MEIKIN: variants seen among roughly 807,000 people sequenced by gnomAD.
MEIKIN encodes meiosis-specific kinetochore protein.
At chr5:131,820,962 G>A (rs987876631) in intron 11 of MEIKIN, among the ~76,000 whole-genome samples, 1 of 151,858 alleles carries the variant, frequency 6.6e-6, no homozygotes, top group African/African-American at 2.4e-5. Context: ...CCAACTTTTT[G>A]TTTTGTTGAT....
chr5:131,830,113 G>C (rs1749687853), intron 11 of MEIKIN, among the ~76,000 whole-genome samples: 1 of 152,166 alleles, frequency 6.6e-6, no homozygotes, highest in Non-Finnish European at 1.5e-5. Context: ...TATGAGACTG[G>C]GCACAGTGAC....
chr5:131,907,033 G>A (rs184369550), intron 8 of MEIKIN, among the ~76,000 whole-genome samples: 132 of 152,108 alleles, frequency 8.7e-4, no homozygotes, highest in African/African-American at 3.1e-3. Context: ...AAAAAATAAC[G>A]AGGAATTTTG....
intron 11 of MEIKIN, among the ~76,000 whole-genome samples, chr5:131,820,294 G>A (rs181689630): frequency 2.0e-5 from 3 of 150,848 alleles, no homozygotes; most frequent in East Asian, 3.9e-4. Flanking sequence ...GACTGGTCTC[G>A]AACTCCTGAC....
intron 5 of MEIKIN, among the ~76,000 whole-genome samples, chr5:131,931,961 G>T: frequency 6.6e-6 from 1 of 152,150 alleles, no homozygotes; most frequent in East Asian, 1.9e-4. Flanking sequence ...GGCCTAGGTG[G>T]GGCTTGTCAC....
intron 8 of MEIKIN, among the ~76,000 whole-genome samples, chr5:131,906,362 G>A (rs75842597): frequency 0.36 from 54,914 of 151,866 alleles, 11,823 homozygotes; most frequent in African/African-American, 0.61. Flanking sequence ...AAGTAAAAAA[G>A]TAACAGATAC....
intron 4 of MEIKIN, among the ~76,000 whole-genome samples, chr5:131,937,269 G>A (rs1398178215): frequency 6.6e-6 from 1 of 152,104 alleles, no homozygotes; most frequent in Non-Finnish European, 1.5e-5. Flanking sequence ...TGACAGTTTG[G>A]CTGGGTAAGA....
At chr5:131,854,139 A>AG (rs1344431366) in intron 10 of MEIKIN, among the ~76,000 whole-genome samples, 2 of 152,360 alleles carry the variant, frequency 1.3e-5, no homozygotes, top group African/African-American at 4.8e-5. Flanking sequence ...TCATATACAT[A>AG]CAATGGAGTA....
intron 9 of MEIKIN, among the ~76,000 whole-genome samples, chr5:131,871,452 G>A (rs1282508639): frequency 6.6e-6 from 1 of 152,206 alleles, no homozygotes; most frequent in Non-Finnish European, 1.5e-5. Flanking sequence ...GCTGGGGGAG[G>A]GGCGCCCGCC....
At chr5:131,895,331 A>ACCCT (rs1751018861) in intron 8 of MEIKIN, among the ~76,000 whole-genome samples, 2 of 152,104 alleles carry the variant, frequency 1.3e-5, no homozygotes, top group African/African-American at 4.8e-5. Context: ...TTCATCAGGG[A>ACCCT]TATTGGTCTA....
chr5:131,865,224 AT>A (rs34459901), intron 9 of MEIKIN, among the ~76,000 whole-genome samples: 113,349 of 145,904 alleles, frequency 0.78, 43,911 homozygotes, highest in African/African-American at 0.82. Context: ...GGATTTTGTG[AT>A]TTTTTTTTTT....
chr5:131,935,859 T>C (rs1435606529), intron 4 of MEIKIN, among the ~76,000 whole-genome samples: 1 of 151,442 alleles, frequency 6.6e-6, no homozygotes, highest in East Asian at 2.0e-4. Context: ...ACTGACTCAA[T>C]CTACCATCCT....
In MEIKIN at chr5:131,931,481, C is replaced by G. The variant is rs148272566; in HGVS notation, c.478+2032G>C. 2.3e-3 allele frequency among the ~76,000 whole-genome samples: 355 copies of G among 152,284 alleles called. 2 individuals are homozygous for G. The highest frequency in any genetic ancestry group is 8.1e-3 in the African/African-American group (337 of 41,558). ...ATCAGCACTCTGAGACAGGCAAGAC[C>G]GAAATCAGTTCCCTCAGGCATCCCT... On this transcript the variant is annotated intron_variant, in intron 5 of 12. Coordinates refer to ENST00000442687, the MANE Select transcript of MEIKIN (RefSeq NM_001303622.2).
intron 9 of MEIKIN, among the ~76,000 whole-genome samples, chr5:131,864,709 T>C (rs1750354016): frequency 6.6e-6 from 1 of 152,214 alleles, no homozygotes; most frequent in Non-Finnish European, 1.5e-5. Context: ...CATTTTTATG[T>C]TGTATCTGTC....
rs192544250 is a variant in MEIKIN at position 131,894,183 on chromosome 5, A to T, written c.704-15135T>A. Among the ~76,000 whole-genome samples, 7 of 152,230 alleles carry T rather than the reference A, an allele frequency of 4.6e-5. No homozygotes were observed. In the East Asian group the frequency reaches 1.4e-3, roughly 29 times the overall value. ...CCTTTCCCCATTGCTTGTTTTTCTC[A>T]GGTTTGTCAAAAATCAGACGGTTGT... On this transcript the variant is annotated intron_variant, in intron 8 of 12. Transcript: ENST00000442687.
At chr5:131,878,771 G>T (rs1197168333) in intron 9 of MEIKIN, 6 of 347,772 alleles carry the variant, frequency 1.7e-5, no homozygotes, top group Non-Finnish European at 3.1e-5. Flanking sequence ...GTTACTCAGG[G>T]GGTTGAAACA....
At chr5:131,824,948 G>A (rs564329647) in intron 11 of MEIKIN, among the ~76,000 whole-genome samples, 5 of 152,196 alleles carry the variant, frequency 3.3e-5, no homozygotes, top group African/African-American at 1.2e-4. Context: ...TACTTTGAGA[G>A]GCTGAGGTGA....
intron 8 of MEIKIN, among the ~76,000 whole-genome samples, chr5:131,898,749 C>T (rs1751098380): frequency 6.6e-6 from 1 of 152,228 alleles, no homozygotes; most frequent in Non-Finnish European, 1.5e-5. Context: ...GGGAGAGAAT[C>T]TCCTGGTCTG....
chr5:131,902,927 G>T (rs576662132), intron 8 of MEIKIN, among the ~76,000 whole-genome samples: 1 of 152,116 alleles, frequency 6.6e-6, no homozygotes, highest in African/African-American at 2.4e-5. Flanking sequence ...TACCAGAGCT[G>T]ATAGACAAAA....
At chr5:131,831,393 A>T (rs146728041) in intron 11 of MEIKIN, among the ~76,000 whole-genome samples, 1 of 152,194 alleles carries the variant, frequency 6.6e-6, no homozygotes, top group African/African-American at 2.4e-5. Context: ...TCAACAACAA[A>T]AAAAAAATTA....
Sources: gnomAD v4.1 joint callset for allele counts (sites outside exome capture counted in the v4.1 genomes callset) on GRCh38, gnomAD v4.1.1 for gene constraint, MANE v1.5 for transcripts, NCBI Gene and HGNC (gene_info 2026-07-23, HGNC 2026-07-21) for gene names.